ANK3: variants seen among roughly 807,000 people sequenced by gnomAD.
The protein encoded by ANK3 is ankyrin-3.
In ANK3, 57 loss-of-function variants were observed where a neutral mutation model predicts 370.9. That is an observed-to-expected ratio of 0.15 (90% CI 0.12 to 0.19). The LOEUF (loss-of-function observed/expected upper bound fraction) is 0.19, where lower values mean the gene tolerates loss of function less well. ANK3 is among the 10% of genes least tolerant of loss of function. The pLI is 1.00. For synonymous variants in ANK3, 1,929 were observed against 1,946.3 expected (o/e 0.99, Z 0.23); for missense variants, 4,439 against 5,302.1 (o/e 0.84, Z 5.06).
intron 43 of ANK3, among the ~76,000 whole-genome samples, chr10:60,038,710 T>C (rs533970042): frequency 6.6e-6 from 1 of 152,132 alleles, no homozygotes; most frequent in Non-Finnish European, 1.5e-5. Flanking sequence ...TGTGTTTTAA[T>C]GTTATCTTGT....
intron 1 of ANK3, among the ~76,000 whole-genome samples, chr10:60,324,937 T>C (rs1281877887): frequency 1.3e-5 from 2 of 152,222 alleles, no homozygotes; most frequent in Non-Finnish European, 2.9e-5. Flanking sequence ...GTGGATATTC[T>C]TGCTGTTAAA....
chr10:60,175,745 G>A (rs1245992903), intron 18 of ANK3, among the ~76,000 whole-genome samples: 1 of 152,210 alleles, frequency 6.6e-6, no homozygotes, highest in African/African-American at 2.4e-5. Context: ...CAGCAGCCAG[G>A]AGCCCGGGCC....
At chr10:60,484,657 A>G (rs2075305096) in intron 2 of ANK3, among the ~76,000 whole-genome samples, 1 of 152,138 alleles carries the variant, frequency 6.6e-6, no homozygotes, top group Non-Finnish European at 1.5e-5. Flanking sequence ...CTGTGGAAGG[A>G]CTCACTTGTT....
intron 1 of ANK3, among the ~76,000 whole-genome samples, chr10:60,341,171 C>G (rs1475692413): frequency 6.6e-6 from 1 of 152,120 alleles, no homozygotes; most frequent in Non-Finnish European, 1.5e-5. Flanking sequence ...CTACTCAACT[C>G]TACATTGTTA....
intron 1 of ANK3, among the ~76,000 whole-genome samples, chr10:60,666,724 A>G (rs906014276): frequency 1.3e-5 from 2 of 152,186 alleles, no homozygotes; most frequent in Non-Finnish European, 1.5e-5. Context: ...GATTATCTCT[A>G]TAAGTCTATC....
At chr10:60,301,280 G>A (rs556262459) in intron 1 of ANK3, among the ~76,000 whole-genome samples, 32 of 137,956 alleles carry the variant, frequency 2.3e-4, no homozygotes, top group African/African-American at 4.6e-4. Flanking sequence ...ATATACACAC[G>A]CACACATATA....
chr10:60,490,426 T>C (rs572068980), intron 2 of ANK3, among the ~76,000 whole-genome samples: 1 of 152,302 alleles, frequency 6.6e-6, no homozygotes, highest in South Asian at 2.1e-4. Context: ...TCCTCCATCC[T>C]TAACCCTCAC....
intron 2 of ANK3, among the ~76,000 whole-genome samples, chr10:60,605,744 C>T (rs2078120768): frequency 6.6e-6 from 1 of 152,134 alleles, no homozygotes; most frequent in South Asian, 2.1e-4. Context: ...CAATATGTGG[C>T]TTTGTGCAAG....
chr10:60,298,711 G>C (rs547123908), intron 1 of ANK3, among the ~76,000 whole-genome samples: 1 of 152,254 alleles, frequency 6.6e-6, no homozygotes, highest in South Asian at 2.1e-4. Flanking sequence ...ATTCTGACAG[G>C]AGGCAGAAAC....
At chr10:60,716,755 A>G (rs1287826175) in intron 1 of ANK3, among the ~76,000 whole-genome samples, 1 of 152,110 alleles carries the variant, frequency 6.6e-6, no homozygotes, top group Non-Finnish European at 1.5e-5. Context: ...CGCTCAAGTG[A>G]TCCTCCTGCC....
At chr10:60,173,362 A>C (rs1217214938) in intron 18 of ANK3, among the ~76,000 whole-genome samples, 176 bp from the exon 19 acceptor site, 2 of 152,180 alleles carry the variant, frequency 1.3e-5, no homozygotes, top group Non-Finnish European at 2.9e-5. Flanking sequence ...AGACTTAGGT[A>C]TAAATTAAAA....
intron 2 of ANK3, among the ~76,000 whole-genome samples, chr10:60,531,720 G>A (rs2076610958): frequency 6.6e-6 from 1 of 152,134 alleles, no homozygotes; most frequent in African/African-American, 2.4e-5. Flanking sequence ...GTGAGCTCAT[G>A]GAAGTCAAGC....
At chr10:60,522,910 G>C (rs570191486) in intron 2 of ANK3, among the ~76,000 whole-genome samples, 2 of 152,024 alleles carry the variant, frequency 1.3e-5, no homozygotes, top group African/African-American at 2.4e-5. Context: ...AAATGAATTA[G>C]AAGACACAAA....
chr10:60,624,945 G>A (rs536358230), intron 1 of ANK3, among the ~76,000 whole-genome samples: 7 of 152,246 alleles, frequency 4.6e-5, no homozygotes, highest in South Asian at 4.1e-4. Context: ...AGAAGTACGC[G>A]TGACTTCAAT....
At position 60,069,697 on chromosome 10, in the gene ANK3, T is replaced by C. The variant is rs1232752705; in HGVS notation, c.11184A>G (p.Ala3728=). ...CTTCTTTCTTCATGGTCATGGTGGA[T>C]GCAGAAATTCCCATTTTTATAGGCG... ...LRTPIKMGIS[A]STMTMKKEGP... Residue 3728 remains alanine, a synonymous_variant, in exon 37 of 44, where the codon GCA becomes GCG. Coordinates refer to ENST00000280772, the MANE Select transcript of ANK3 (RefSeq NM_020987.5). The C allele has an allele frequency of 6.2e-7, 1 of 1,613,942 alleles. No individual in the cohort carries two copies. The highest frequency in any genetic ancestry group is 1.7e-5 in the Admixed American group (1 of 59,948).
At chr10:60,725,168 C>T (rs897074736) in intron 1 of ANK3, among the ~76,000 whole-genome samples, 1 of 152,156 alleles carries the variant, frequency 6.6e-6, no homozygotes, top group African/African-American at 2.4e-5. Flanking sequence ...GTACTTCACA[C>T]TCTTATCTTT....
chr10:60,307,006 G>T (rs564967724), intron 1 of ANK3, among the ~76,000 whole-genome samples: 1 of 152,254 alleles, frequency 6.6e-6, no homozygotes, highest in Non-Finnish European at 1.5e-5. Context: ...CTGGGATTTA[G>T]GCATGAGCCA....
intron 2 of ANK3, among the ~76,000 whole-genome samples, chr10:60,398,127 G>A (rs372085756): frequency 9.9e-5 from 15 of 152,072 alleles, no homozygotes; most frequent in Non-Finnish European, 1.5e-4. Context: ...AATATGTAAG[G>A]GTATCAAAAT....
intron 24 of ANK3, chr10:60,137,298 A>G: frequency 3.1e-6 from 1 of 324,486 alleles, no homozygotes; most frequent in Non-Finnish European, 6.0e-6. Flanking sequence ...AGCATGAGCC[A>G]GGAGAAGGAA....
Sources: allele counts gnomAD v4.1 joint callset (sites outside exome capture counted in the v4.1 genomes callset), GRCh38; gene constraint gnomAD v4.1.1; transcripts MANE v1.5; gene names NCBI Gene and HGNC (gene_info 2026-07-23, HGNC 2026-07-21).